The following ACBD7 variants were observed in gnomAD, a reference collection of about 807,000 sequenced individuals.
ACBD7 encodes acyl-CoA binding domain containing 7.
Under a neutral mutation model 13.7 loss-of-function variants are expected in ACBD7, and 11 were observed. That is an observed-to-expected ratio of 0.80 (90% CI 0.50 to 1.33). ACBD7 has a LOEUF of 1.33. Ranked by LOEUF, ACBD7 falls within the 40% of genes most tolerant of loss-of-function variation. The pLI is 0.00. For synonymous variants in ACBD7, 43 were observed against 37.7 expected (o/e 1.14, Z -0.51); for missense variants, 111 against 103.0 (o/e 1.08, Z -0.33).
chr10:15,081,930 T>C (rs1354422718), intron 1 of ACBD7, among the ~76,000 whole-genome samples: 1 of 152,204 alleles, frequency 6.6e-6, no homozygotes, highest in Non-Finnish European at 1.5e-5. Context: ...CATAATGCCA[T>C]GGTTAAGAAC....
In ACBD7 at chr10:15,078,908, A is replaced by T; in HGVS notation, c.130+15T>A. ...TGTAACATATGAATATATTAATATT[A>T]ATAATATATAATACCAATATTAATG... On this transcript the variant is annotated intron_variant, in intron 2 of 3. Coordinates refer to ENST00000356189, the MANE Select transcript of ACBD7 (RefSeq NM_001039844.3). 7.9e-7 allele frequency: 1 copy of T among 1,263,966 alleles called. No homozygotes were observed. Among genetic ancestry groups the T allele is most frequent in the Non-Finnish European group, 1.0e-6 (1 of 953,270 alleles). The allele number at this position is 1,263,966 out of a possible 1,614,324, so 78.3% of individuals were successfully genotyped here.
At chr10:15,088,606 C>T in intron 1 of ACBD7, 111 bp downstream of exon 1, 1 of 1,402,404 alleles carries the variant, frequency 7.1e-7, no homozygotes, top group Non-Finnish European at 9.5e-7. Flanking sequence ...TGGGCGTGTC[C>T]CCCGGGTCAC....
chr10:15,082,687 C>G (rs558462923), intron 1 of ACBD7, among the ~76,000 whole-genome samples: 1 of 152,200 alleles, frequency 6.6e-6, no homozygotes, highest in Admixed American at 6.5e-5. Flanking sequence ...CCAGTGACAG[C>G]AACTCGACTC....
intron 1 of ACBD7, among the ~76,000 whole-genome samples, chr10:15,087,810 T>TA (rs1844826569): frequency 7.4e-6 from 1 of 135,466 alleles, no homozygotes. Context: ...AGACTCCATC[T>TA]TAAAAAAAAA....
At chr10:15,088,681 C>G in intron 1 of ACBD7, 36 bp downstream of exon 1, 1 of 1,591,754 alleles carries the variant, frequency 6.3e-7, no homozygotes, top group Non-Finnish European at 8.5e-7. Flanking sequence ...CCTCGCGGAG[C>G]GCCCCTCCCG....
chr10:15,088,610 G>A, intron 1 of ACBD7, 107 bp downstream of exon 1: 1 of 1,432,710 alleles, frequency 7.0e-7, no homozygotes, highest in Non-Finnish European at 9.3e-7. Flanking sequence ...CGTGTCCCCC[G>A]GGTCACCGCC....
Position 15,080,792 on chromosome 10 carries a change from C to A in ACBD7, c.13-1752G>T, listed in dbSNP as rs531266051. Among the ~76,000 whole-genome samples, 4 of 152,288 alleles carry A rather than the reference C, an allele frequency of 2.6e-5. No individual in the cohort carries two copies. The East Asian group carries it at 7.7e-4, about 29-fold the overall frequency. ...TCCCTTTCTAACCTCTTAGTTTATA[C>A]TCTACAAAGAGCTTTGTGATTAGTT... On this transcript the variant is annotated intron_variant, in intron 1 of 3. Coordinates refer to ENST00000356189, the MANE Select transcript of ACBD7 (RefSeq NM_001039844.3).
intron 1 of ACBD7, among the ~76,000 whole-genome samples, chr10:15,083,196 ATCAT>A (rs1199442208): frequency 2.0e-5 from 3 of 152,162 alleles, no homozygotes; most frequent in Admixed American, 6.5e-5. Flanking sequence ...AGGGGCCAGC[ATCAT>A]TCTCTCTGTC....
rs1015679433 is a variant in ACBD7 at position 15,075,571 on chromosome 10, A to T, written c.*2959T>A. Reference sequence around the variant, plus strand: ...TTGGTGTTGCTACAATCAAGACAGAACATTCCATCACTGCAGGATCATCCC... The same window carrying T: ...TTGGTGTTGCTACAATCAAGACAGATCATTCCATCACTGCAGGATCATCCC... On this transcript the variant is annotated 3_prime_UTR_variant, in exon 4 of 4. Transcript: ENST00000356189. 2.6e-5 allele frequency among the ~76,000 whole-genome samples: 4 copies of T among 152,176 alleles called. No homozygotes were observed. The highest frequency in any genetic ancestry group is 9.7e-5 in the African/African-American group (4 of 41,440).
intron 1 of ACBD7, among the ~76,000 whole-genome samples, chr10:15,088,073 G>A (rs1844829706): frequency 7.1e-6 from 1 of 141,118 alleles, no homozygotes; most frequent in Non-Finnish European, 1.5e-5. Context: ...ACTGTTTTAC[G>A]TGTAGGAATA....
At position 15,088,711 on chromosome 10, in the gene ACBD7, G is replaced by A. The variant is rs1844838737; in HGVS notation, c.12+6C>T. On this transcript the variant is annotated splice_donor_region_variant and intron_variant, in intron 1 of 3. Coordinates refer to ENST00000356189, the MANE Select transcript of ACBD7 (RefSeq NM_001039844.3). ...CTCCCGCGTGGCCTCCCCGCGCCCC[G>A]GGTACCTGCAGGGCCATGGTGGCGG... is the stretch of plus-strand genomic sequence containing the variant. 2.5e-6 allele frequency: 4 copies of A among 1,597,628 alleles called. No homozygotes were observed. The highest frequency in any genetic ancestry group is 1.1e-5 in the South Asian group (1 of 89,792).
chr10:15,086,785 G>A (rs759233685), intron 1 of ACBD7, among the ~76,000 whole-genome samples: 47 of 151,912 alleles, frequency 3.1e-4, no homozygotes, highest in Non-Finnish European at 5.1e-4. Context: ...AGGCTGAGGC[G>A]GGCAGATCAC....
chr10:15,080,641 T>C (rs552038083), intron 1 of ACBD7, among the ~76,000 whole-genome samples: 1 of 152,196 alleles, frequency 6.6e-6, no homozygotes, highest in South Asian at 2.1e-4. Flanking sequence ...GAGTTAGCTC[T>C]GATAACTGGG....
intron 1 of ACBD7, among the ~76,000 whole-genome samples, chr10:15,085,804 T>C (rs1242336181): frequency 6.6e-6 from 1 of 151,042 alleles, no homozygotes; most frequent in Non-Finnish European, 1.5e-5. Flanking sequence ...CCATTTGTTT[T>C]GCTACTCCAA....
chr10:15,088,684 C>A (rs371662848), intron 1 of ACBD7, 33 bp downstream of exon 1: 2 of 1,593,536 alleles, frequency 1.3e-6, no homozygotes, highest in African/African-American at 2.7e-5. Flanking sequence ...CGCGGAGCGC[C>A]CCTCCCGCGT....
At chr10:15,078,774 G>T (rs1263331298) in intron 2 of ACBD7, 21 bp from the exon 3 acceptor site, 1 of 1,612,204 alleles carries the variant, frequency 6.2e-7, no homozygotes, top group African/African-American at 1.3e-5. Context: ...AAGGAGACAT[G>T]CATTTGCAGG....
At chr10:15,084,425 G>C (rs1039919975) in intron 1 of ACBD7, among the ~76,000 whole-genome samples, 2 of 152,188 alleles carry the variant, frequency 1.3e-5, no homozygotes, top group African/African-American at 2.4e-5. Context: ...CTTGTTACCA[G>C]TGGAGGGTGC....
At position 15,076,951 on chromosome 10, in the gene ACBD7, A is replaced by T. The variant is rs1844688989; in HGVS notation, c.*1579T>A. ...TTTCTAAAAAGTCAAAAAACAACAG[A>T]TGTGGAGAAAAGGGAATGCTTATAC... On this transcript the variant is annotated 3_prime_UTR_variant, in exon 4 of 4. Coordinates refer to ENST00000356189, the MANE Select transcript of ACBD7 (RefSeq NM_001039844.3). 1 of 983,502 alleles carries T rather than the reference A, an allele frequency of 1.0e-6. No homozygotes were observed. Among genetic ancestry groups the T allele is most frequent in the African/African-American group, 1.7e-5 (1 of 57,188 alleles). 60.9% of individuals were successfully genotyped at this position (983,502 alleles called of 1,614,324 possible). A position where few individuals can be genotyped will look rare whatever the true frequency, so the allele number is the denominator to read the frequency against.
intron 1 of ACBD7, among the ~76,000 whole-genome samples, chr10:15,085,334 A>T (rs1844796998): frequency 6.6e-6 from 1 of 152,160 alleles, no homozygotes; most frequent in Non-Finnish European, 1.5e-5. Flanking sequence ...TTCCGTGCTG[A>T]CTAGGCGGGC....
Sources: gnomAD v4.1 joint callset for allele counts (sites outside exome capture counted in the v4.1 genomes callset) on GRCh38, gnomAD v4.1.1 for gene constraint, MANE v1.5 for transcripts, NCBI Gene and HGNC (gene_info 2026-07-23, HGNC 2026-07-21) for gene names.